Variants in ROBO2 observed in about 807,000 individuals in gnomAD.
ROBO2 encodes roundabout guidance receptor 2, also known as roundabout homolog 2.
A neutral mutation model predicts 160.8 loss-of-function variants in ROBO2; 53 were observed. That is an observed-to-expected ratio of 0.33 (90% CI 0.26 to 0.41). ROBO2 has a LOEUF of 0.41. ROBO2 is among the 10% of genes least tolerant of loss of function. The pLI is 1.00. For synonymous variants in ROBO2, 664 were observed against 611.7 expected, an observed-to-expected ratio of 1.09 and a Z score of -1.26; for missense variants, 1,577 against 1,722.4, an observed-to-expected ratio of 0.92 and a Z score of 1.49.
chr3:76,972,312 T>A (rs1381261637), intron 2 of ROBO2, among the ~76,000 whole-genome samples: 3 of 152,192 alleles, frequency 2.0e-5, no homozygotes, highest in African/African-American at 7.2e-5. Flanking sequence ...TTATTTGGAT[T>A]GATTTCCTTT....
intron 2 of ROBO2, among the ~76,000 whole-genome samples, chr3:76,628,847 A>AATGT (rs1186198185): frequency 6.6e-6 from 1 of 152,198 alleles, no homozygotes; most frequent in South Asian, 2.1e-4. Context: ...AAGACAGGGC[A>AATGT]ATGTATAGTT....
intron 2 of ROBO2, among the ~76,000 whole-genome samples, chr3:75,989,358 C>T (rs1308444475): frequency 6.6e-6 from 1 of 152,056 alleles, no homozygotes; most frequent in African/African-American, 2.4e-5. Flanking sequence ...CCTCATGATC[C>T]ACCTGCCTCA....
At chr3:76,028,085 G>T (rs1559846749) in intron 2 of ROBO2, among the ~76,000 whole-genome samples, 3 of 151,904 alleles carry the variant, frequency 2.0e-5, no homozygotes, top group African/African-American at 7.2e-5. Context: ...TTAGATGGAT[G>T]AAATGTTCTT....
intron 2 of ROBO2, among the ~76,000 whole-genome samples, chr3:77,271,162 T>C (rs902110488): frequency 6.6e-6 from 1 of 152,168 alleles, no homozygotes; most frequent in Non-Finnish European, 1.5e-5. Context: ...CAAATATTTA[T>C]TGAACACCTA....
chr3:76,591,076 T>C (rs2086387238), intron 2 of ROBO2, among the ~76,000 whole-genome samples: 2 of 152,120 alleles, frequency 1.3e-5, no homozygotes, highest in Non-Finnish European at 2.9e-5. Context: ...AACTTTTGAC[T>C]GCCCCAAAAC....
At chr3:77,031,923 C>T (rs976856456) in intron 2 of ROBO2, among the ~76,000 whole-genome samples, 13 of 152,114 alleles carry the variant, frequency 8.5e-5, no homozygotes, top group African/African-American at 2.6e-4. Context: ...AAGATCAAGG[C>T]ACTAGCAGAT....
chr3:76,315,485 C>T (rs969097537), intron 2 of ROBO2, among the ~76,000 whole-genome samples: 3 of 152,088 alleles, frequency 2.0e-5, no homozygotes, highest in Admixed American at 1.3e-4. Flanking sequence ...TGCATTGAAG[C>T]GCTGACCTAG....
At chr3:77,302,285 C>T (rs1484220885) in intron 2 of ROBO2, among the ~76,000 whole-genome samples, 1 of 152,008 alleles carries the variant, frequency 6.6e-6, no homozygotes. Flanking sequence ...ATTAATCGTA[C>T]CTATCTCATA....
Position 77,201,841 on chromosome 3 carries a change from C to T in ROBO2, c.388+103501C>T, listed in dbSNP as rs546127928. On this transcript the variant is annotated intron_variant, in intron 2 of 25. Transcript: ENST00000461745. ...GTATTCTAAAATCTACAGTAAGAAA[C>T]GGTGAGATATAACTGCCAACAACCA... 1.8e-4 allele frequency among the ~76,000 whole-genome samples: 28 copies of T among 152,124 alleles called. No individual in the cohort carries two copies. In the South Asian group the frequency reaches 3.9e-3, roughly 21 times the overall value.
At chr3:77,240,126 G>T (rs1395456504) in intron 2 of ROBO2, among the ~76,000 whole-genome samples, 1 of 152,180 alleles carries the variant, frequency 6.6e-6, no homozygotes, top group African/African-American at 2.4e-5. Context: ...ATGGGACTGG[G>T]GGCCATGGAG....
chr3:77,231,196 C>G (rs2087135726), intron 2 of ROBO2, among the ~76,000 whole-genome samples: 2 of 151,618 alleles, frequency 1.3e-5, no homozygotes, highest in Admixed American at 1.3e-4. Context: ...AACTTCATCT[C>G]TACAAAAAAT....
intron 2 of ROBO2, among the ~76,000 whole-genome samples, chr3:75,994,462 G>A (rs550928988): frequency 2.0e-5 from 3 of 152,318 alleles, no homozygotes; most frequent in African/African-American, 7.2e-5. Context: ...ATGATAATGA[G>A]TGAGTTCTCA....
intron 2 of ROBO2, among the ~76,000 whole-genome samples, chr3:76,155,449 A>G (rs866254819): frequency 1.8e-4 from 27 of 152,318 alleles, no homozygotes; most frequent in South Asian, 8.3e-4. Context: ...AAAAGATAGA[A>G]CAAAGTTTAC....
At chr3:77,110,976 G>A (rs1196205768) in intron 2 of ROBO2, among the ~76,000 whole-genome samples, 1 of 152,074 alleles carries the variant, frequency 6.6e-6, no homozygotes, top group Non-Finnish European at 1.5e-5. Context: ...CTACAGGTGT[G>A]AACCATTGGG....
At chr3:75,974,507 A>C (rs573150239) in intron 2 of ROBO2, among the ~76,000 whole-genome samples, 1 of 151,598 alleles carries the variant, frequency 6.6e-6, no homozygotes, top group Non-Finnish European at 1.5e-5. Flanking sequence ...AAATCCATTA[A>C]TTAAGTAAAA....
At chr3:76,233,981 A>G (rs1042304681) in intron 2 of ROBO2, among the ~76,000 whole-genome samples, 2 of 152,094 alleles carry the variant, frequency 1.3e-5, no homozygotes, top group African/African-American at 4.8e-5. Context: ...CCACGCTCCA[A>G]CCTCAAGTAG....
At chr3:76,765,043 C>T (rs2061502368) in intron 2 of ROBO2, among the ~76,000 whole-genome samples, 2 of 151,608 alleles carry the variant, frequency 1.3e-5, no homozygotes, top group South Asian at 4.1e-4. Context: ...GGTAATTTTT[C>T]AACCCTCATC....
intron 2 of ROBO2, among the ~76,000 whole-genome samples, chr3:76,788,990 GA>G (rs2063174654): frequency 6.6e-6 from 1 of 151,500 alleles, no homozygotes; most frequent in Non-Finnish European, 1.5e-5. Flanking sequence ...TATATAGCAA[GA>G]AAATGTCAAG....
chr3:76,338,526 A>C (rs2074027041), intron 2 of ROBO2, among the ~76,000 whole-genome samples: 1 of 151,918 alleles, frequency 6.6e-6, no homozygotes. Context: ...AAAAAAAATT[A>C]GCCAGACATA....
Sources: allele counts gnomAD v4.1 joint callset (sites outside exome capture counted in the v4.1 genomes callset), GRCh38; gene constraint gnomAD v4.1.1; transcripts MANE v1.5; gene names NCBI Gene and HGNC (gene_info 2026-07-23, HGNC 2026-07-21).